Variants in TEAD4 observed in about 807,000 individuals in gnomAD.
TEAD4 encodes the protein TEA domain transcription factor 4, also known as transcriptional enhancer factor TEF-3.
Under a neutral mutation model 52.4 loss-of-function variants are expected in TEAD4, and 36 were observed. That is an observed-to-expected ratio of 0.69 (90% confidence interval 0.53 to 0.91). The LOEUF is 0.91. TEAD4 is among the 40% of genes least tolerant of loss of function. The pLI is 0.00. For missense variants in TEAD4, 508 were observed against 583.9 expected, an observed-to-expected ratio of 0.87 and a Z score of 1.34; for synonymous variants, 220 against 231.0, an observed-to-expected ratio of 0.95 and a Z score of 0.43.
intron 10 of TEAD4, among the ~76,000 whole-genome samples, chr12:3,034,731 G>A (rs541043523): frequency 1.3e-5 from 2 of 152,298 alleles, no homozygotes; most frequent in South Asian, 4.1e-4. Flanking sequence ...CCAGGAGTTC[G>A]AGACCAGCCT....
intron 2 of TEAD4, among the ~76,000 whole-genome samples, chr12:2,976,799 G>A (rs1171338261): frequency 6.6e-6 from 1 of 152,114 alleles, no homozygotes; most frequent in Admixed American, 6.5e-5. Context: ...CGGGCCTGGG[G>A]GCTGGGTGGG....
At chr12:3,003,559 C>A (rs185820842) in intron 3 of TEAD4, among the ~76,000 whole-genome samples, 2 of 152,238 alleles carry the variant, frequency 1.3e-5, no homozygotes, top group African/African-American at 2.4e-5. Flanking sequence ...AGCGGAGATT[C>A]CTCCTGGATG....
At chr12:2,996,124 T>C (rs1207464926) in intron 3 of TEAD4, among the ~76,000 whole-genome samples, 4 of 152,142 alleles carry the variant, frequency 2.6e-5, no homozygotes, top group African/African-American at 4.8e-5. Context: ...ACAGTGGTCT[T>C]GGGGCAGGAG....
chr12:2,990,459 A>ATTTTT (rs1364654221), intron 2 of TEAD4, among the ~76,000 whole-genome samples: 6 of 60,780 alleles, frequency 9.9e-5, no homozygotes, highest in African/African-American at 3.9e-4. Flanking sequence ...AAGACAGATA[A>ATTTTT]TCTTTTTTTT....
chr12:3,015,293 C>T lies in TEAD4; in HGVS notation c.355-2105C>T, dbSNP rs138127571. On this transcript the variant is annotated intron_variant, in intron 5 of 12. Transcript: ENST00000359864. ...GTCTGGTCCAAGCTCACCTGGTCAC[C>T]ATCACCACTCTCAGCACCCTAGTCA... is the stretch of plus-strand genomic sequence containing the variant. 3.3e-3 allele frequency among the ~76,000 whole-genome samples: 501 copies of T among 152,336 alleles called. 4 individuals carry two copies. The highest frequency in any genetic ancestry group is 0.011 in the African/African-American group (476 of 41,572).
At chr12:3,013,133 A>G (rs571351437) in intron 5 of TEAD4, among the ~76,000 whole-genome samples, 1 of 151,696 alleles carries the variant, frequency 6.6e-6, no homozygotes, top group African/African-American at 2.4e-5. Flanking sequence ...CTATTTTTTT[A>G]TAGAGATGAG....
intron 10 of TEAD4, among the ~76,000 whole-genome samples, chr12:3,035,415 G>T (rs1053752412): frequency 6.6e-6 from 1 of 152,188 alleles, no homozygotes; most frequent in African/African-American, 2.4e-5. Context: ...TCACATTTTT[G>T]CCCTGTGCTT....
At chr12:2,992,353 T>C (rs2098243834) in intron 2 of TEAD4, among the ~76,000 whole-genome samples, 1 of 152,072 alleles carries the variant, frequency 6.6e-6, no homozygotes, top group South Asian at 2.1e-4. Flanking sequence ...CTCTAACCTC[T>C]TTCCCACTGC....
intron 2 of TEAD4, among the ~76,000 whole-genome samples, chr12:2,983,442 T>C (rs1038304349): frequency 2.6e-5 from 4 of 151,774 alleles, no homozygotes; most frequent in Non-Finnish European, 4.4e-5. Flanking sequence ...GGGGAGGGAG[T>C]GTGAACCACA....
intron 12 of TEAD4, 28 bp from the exon 13 acceptor site, chr12:3,040,337 T>C (rs1210662674): frequency 6.2e-7 from 1 of 1,614,018 alleles, no homozygotes; most frequent in Non-Finnish European, 8.5e-7. Context: ...TGGGGCCTTA[T>C]TAACCCTTGT....
intron 2 of TEAD4, among the ~76,000 whole-genome samples, chr12:2,971,689 A>G (rs543576287): frequency 7.3e-5 from 11 of 150,948 alleles, no homozygotes; most frequent in Admixed American, 2.6e-4. Context: ...GTTAGCCAGG[A>G]TGGTCTCGAT....
chr12:2,998,354 G>A (rs761214940), intron 3 of TEAD4, among the ~76,000 whole-genome samples: 26 of 152,094 alleles, frequency 1.7e-4, no homozygotes, highest in Middle Eastern at 6.8e-3. Context: ...CCAACCCTGG[G>A]GAAGCGCCGG....
intron 8 of TEAD4, among the ~76,000 whole-genome samples, chr12:3,019,579 T>A (rs998967438): frequency 6.6e-6 from 1 of 152,162 alleles, no homozygotes; most frequent in African/African-American, 2.4e-5. Context: ...AGAGGGACCC[T>A]TGTGGGAGAA....
intron 5 of TEAD4, among the ~76,000 whole-genome samples, chr12:3,016,400 A>G (rs1222949427): frequency 6.6e-6 from 1 of 152,188 alleles, no homozygotes; most frequent in Non-Finnish European, 1.5e-5. Flanking sequence ...AGCTGCAGAC[A>G]GTGAATAATA....
intron 5 of TEAD4, 144 bp downstream of exon 5, chr12:3,012,376 CCTCT>C: frequency 3.5e-6 from 3 of 851,914 alleles, no homozygotes; most frequent in Non-Finnish European, 5.5e-6. Context: ...GGGCCTGTAA[CCTCT>C]CTCCCATCCG....
chr12:3,018,275 C>T (rs1377836384), intron 6 of TEAD4, among the ~76,000 whole-genome samples: 1 of 152,222 alleles, frequency 6.6e-6, no homozygotes, highest in Non-Finnish European at 1.5e-5. Flanking sequence ...CTTAGGTCTG[C>T]ACTGTGACTC....
chr12:2,999,749 C>T (rs990165045), intron 3 of TEAD4, among the ~76,000 whole-genome samples: 5 of 152,200 alleles, frequency 3.3e-5, no homozygotes, highest in African/African-American at 7.2e-5. Context: ...CCTAGCCTAG[C>T]GTGCAGGTGG....
rs184599162 is a variant in TEAD4, at chr12:3,004,988, G to A, written c.227-6016G>A. Among the ~76,000 whole-genome samples the A allele has an allele frequency of 1.7e-4, 26 of 152,336 alleles. No individual in the cohort carries two copies. The East Asian group carries it at 4.2e-3, about 25-fold the overall frequency. On this transcript the variant is annotated intron_variant, in intron 3 of 12. Transcript: ENST00000359864. Reference sequence around the variant, plus strand: ...CGGCATCACCCCTGACCAGCACAACGAGGCTGGAGGGTCTGAGATGAGCCA... The same window carrying A: ...CGGCATCACCCCTGACCAGCACAACAAGGCTGGAGGGTCTGAGATGAGCCA...
At chr12:2,975,316 T>C (rs1185009293) in intron 2 of TEAD4, among the ~76,000 whole-genome samples, 1 of 151,848 alleles carries the variant, frequency 6.6e-6, no homozygotes, top group Non-Finnish European at 1.5e-5. Context: ...TTTGTTGCAA[T>C]TGATGTACAT....
Sources: allele counts gnomAD v4.1 joint callset (sites outside exome capture counted in the v4.1 genomes callset), GRCh38; gene constraint gnomAD v4.1.1; transcripts MANE v1.5; gene names NCBI Gene and HGNC (gene_info 2026-07-23, HGNC 2026-07-21).